Variants in ZNF566 observed in about 807,000 individuals in gnomAD.
The protein encoded by ZNF566 is zinc finger protein 566.
A neutral mutation model predicts 32.8 loss-of-function variants in ZNF566; 27 were observed. That is an observed-to-expected ratio of 0.82 (90% confidence interval 0.61 to 1.14). The LOEUF (loss-of-function observed/expected upper bound fraction) is 1.14. Ranked by LOEUF, ZNF566 falls within the 50% of genes most tolerant of loss-of-function variation. ZNF566 has a pLI of 0.00. For missense variants in ZNF566, 402 were observed against 490.4 expected, an observed-to-expected ratio of 0.82 and a Z score of 1.70; for synonymous variants, 154 against 159.5, an observed-to-expected ratio of 0.97 and a Z score of 0.26.
chr19:36,465,682 C>T (rs1054321179), intron 4 of ZNF566, among the ~76,000 whole-genome samples: 1 of 151,694 alleles, frequency 6.6e-6, no homozygotes, highest in Non-Finnish European at 1.5e-5. Flanking sequence ...ATCATGTTAG[C>T]CAGGATGGTC....
At chr19:36,477,639 C>T (rs2033929957) in intron 1 of ZNF566, among the ~76,000 whole-genome samples, 2 of 149,988 alleles carry the variant, frequency 1.3e-5, no homozygotes, top group South Asian at 2.1e-4. Context: ...CCCAGGTTCA[C>T]GCCATTCTCC....
chr19:36,485,416 C>T (rs150984634), intron 1 of ZNF566, among the ~76,000 whole-genome samples: 59 of 149,294 alleles, frequency 4.0e-4, no homozygotes, highest in African/African-American at 1.3e-3. Context: ...ATTTGCACTC[C>T]AGCCTGGATG....
chr19:36,456,505 A>G (rs1457444940), intron 4 of ZNF566: 2 of 151,630 alleles, frequency 1.3e-5, no homozygotes, highest in African/African-American at 4.9e-5. Context: ...GTGAGCTGAG[A>G]TCACACCACT....
At chr19:36,480,537 G>C (rs758405785) in intron 1 of ZNF566, among the ~76,000 whole-genome samples, 2 of 150,348 alleles carry the variant, frequency 1.3e-5, no homozygotes, top group African/African-American at 2.4e-5. Context: ...TGCCTGCCTC[G>C]GCCTCCCAAA....
In ZNF566 at chr19:36,463,232, G is replaced by A. The variant is rs189123644; in HGVS notation, c.232+9679C>T. On this transcript the variant is annotated intron_variant, in intron 4 of 4. Coordinates refer to ENST00000452939, the MANE Select transcript of ZNF566 (RefSeq NM_001145344.1). ...GTAGGAGGATTGCTTGAGCCCAGGAGGTCCAGACTGCAGTGAGCTGTGGGT... is the reference window on the plus strand; with the variant it reads ...GTAGGAGGATTGCTTGAGCCCAGGAAGTCCAGACTGCAGTGAGCTGTGGGT... Among the ~76,000 whole-genome samples the A allele has an allele frequency of 1.8e-3, 274 of 152,170 alleles. 1 individual carries two copies. Among genetic ancestry groups the A allele is most frequent in the African/African-American group, 6.5e-3 (270 of 41,532 alleles).
At position 36,449,606 on chromosome 19, in the gene ZNF566, G is replaced by A; in HGVS notation, c.628C>T (p.His210Tyr). 1 of 1,614,062 alleles carries A rather than the reference G, an allele frequency of 6.2e-7. No homozygotes were observed. The highest frequency in any genetic ancestry group is 8.5e-7 in the Non-Finnish European group (1 of 1,180,020). The change falls in exon 5 of 5, where the codon CAT becomes TAT. Residue 210 changes from histidine to tyrosine, a missense_variant. His to Tyr is a moderately conservative substitution (Grantham distance 83, BLOSUM62 2). Transcript: ENST00000452939. ...ECKECGKSFR[H>Y]PSRLTHHQKI... ...TGATGATGAGTGAGTCTTGAGGGAT[G>A]TCTAAAGGACTTTCCACATTCCTTA...
At chr19:36,478,692 C>T (rs1223874946) in intron 1 of ZNF566, among the ~76,000 whole-genome samples, 1 of 151,682 alleles carries the variant, frequency 6.6e-6, no homozygotes, top group Non-Finnish European at 1.5e-5. Flanking sequence ...CTAAGAAATA[C>T]CTACTGTTGG....
At chr19:36,458,282 T>C (rs1454751199) in intron 4 of ZNF566, among the ~76,000 whole-genome samples, 1 of 152,180 alleles carries the variant, frequency 6.6e-6, no homozygotes, top group African/African-American at 2.4e-5. Flanking sequence ...TAATGGAATG[T>C]GTGTGTATAT....
At chr19:36,454,006 G>A (rs1384809626) in intron 4 of ZNF566, among the ~76,000 whole-genome samples, 1 of 152,032 alleles carries the variant, frequency 6.6e-6, no homozygotes, top group African/African-American at 2.4e-5. Flanking sequence ...TGTATTTTTA[G>A]TAGAGACAAA....
intron 1 of ZNF566, among the ~76,000 whole-genome samples, chr19:36,477,283 T>C (rs2033911945): frequency 6.6e-6 from 1 of 152,164 alleles, no homozygotes; most frequent in African/African-American, 2.4e-5. Flanking sequence ...GTGCTAAGAT[T>C]ACAGGTATGA....
chr19:36,484,218 G>C (rs937967643), intron 1 of ZNF566, among the ~76,000 whole-genome samples: 1 of 152,224 alleles, frequency 6.6e-6, no homozygotes, highest in Non-Finnish European at 1.5e-5. Flanking sequence ...AGCAGTGTAT[G>C]AGTGGTTGAA....
At chr19:36,456,034 A>G (rs993551550) in intron 4 of ZNF566, among the ~76,000 whole-genome samples, 1 of 151,804 alleles carries the variant, frequency 6.6e-6, no homozygotes, top group East Asian at 1.9e-4. Flanking sequence ...GCGAGACTCC[A>G]TCTCAAAAAA....
intron 4 of ZNF566, among the ~76,000 whole-genome samples, chr19:36,455,784 T>G (rs529943198): frequency 6.6e-6 from 1 of 150,836 alleles, no homozygotes; most frequent in South Asian, 2.1e-4. Context: ...CTTATGCCTG[T>G]AATCCCAGCA....
chr19:36,481,343 C>G (rs904895195), intron 1 of ZNF566, among the ~76,000 whole-genome samples: 1 of 151,746 alleles, frequency 6.6e-6, no homozygotes, highest in Admixed American at 6.6e-5. Flanking sequence ...TGGCGGCACG[C>G]GCCTGTAGTC....
intron 1 of ZNF566, among the ~76,000 whole-genome samples, chr19:36,483,920 G>C (rs1274922786): frequency 6.6e-6 from 1 of 151,980 alleles, no homozygotes; most frequent in African/African-American, 2.4e-5. Flanking sequence ...TTTTGAGACG[G>C]AGTTTTGCTC....
At position 36,449,761 on chromosome 19, in the gene ZNF566, A is replaced by G; in HGVS notation, c.473T>C (p.Phe158Ser). The G allele has an allele frequency of 2.5e-6, 4 of 1,614,154 alleles. No homozygotes were observed. Among genetic ancestry groups the G allele is most frequent in the Non-Finnish European group, 3.4e-6 (4 of 1,180,022 alleles). ...ACTGTTAATGATTTGCTGTAATGTGAAGGATGGATGGTGACTCAAAGTGGG... is the reference window on the plus strand; with the variant it reads ...ACTGTTAATGATTTGCTGTAATGTGGAGGATGGATGGTGACTCAAAGTGGG... Reference protein sequence around the residue: ...DLPTLSHHPSFTLQQIINSKK... With the variant: ...DLPTLSHHPSSTLQQIINSKK... The change falls in exon 5 of 5, where the codon TTC (phenylalanine) becomes TCC (serine). Residue 158 changes from phenylalanine (F) to serine (S), a missense_variant. Phe to Ser is a radical substitution (Grantham distance 155, BLOSUM62 -2). Around this residue, in one of 3 missense-constraint regions of ZNF566, gnomAD observed 220 missense variants for 241.9 expected, o/e 0.91. Transcript: ENST00000452939.
At chr19:36,485,378 C>G (rs1464968051) in intron 1 of ZNF566, among the ~76,000 whole-genome samples, 5 of 147,360 alleles carry the variant, frequency 3.4e-5, no homozygotes, top group Admixed American at 2.8e-4. Context: ...GAGGTTGAGG[C>G]TGCAATGAGC....
chr19:36,485,654 C>T (rs1161663097), intron 1 of ZNF566, among the ~76,000 whole-genome samples: 3 of 151,244 alleles, frequency 2.0e-5, no homozygotes, highest in South Asian at 2.1e-4. Flanking sequence ...CCCAGCTACT[C>T]GGGAGGCTGA....
rs2145626647 is a variant in ZNF566, at chr19:36,448,112, A to G, written c.*865T>C. The G allele has an allele frequency of 6.6e-6, 1 of 152,340 alleles. No homozygotes were observed. The highest frequency in any genetic ancestry group is 1.5e-5 in the Non-Finnish European group (1 of 68,014). The allele number at this position is 152,340 out of a possible 1,614,324, so 9.4% of individuals were successfully genotyped here. ...TGTATATATGAACAGAAAAATGATC[A>G]GCAATAAATAATGAACTGATAAAGA... On this transcript the variant is annotated 3_prime_UTR_variant, in exon 5 of 5. Transcript: ENST00000452939.
Sources: allele counts gnomAD v4.1 joint callset (sites outside exome capture counted in the v4.1 genomes callset), GRCh38; gene constraint gnomAD v4.1.1; regional missense constraint gnomAD v4.1.1; transcripts MANE v1.5; gene names NCBI Gene and HGNC (gene_info 2026-07-23, HGNC 2026-07-21).